Variants in SPMIP9 observed in about 807,000 individuals in gnomAD.
SPMIP9 encodes the protein protein SPMIP9.
At chr2:88,525,539 A>G in the SPMIP9 span, 38 of 1,349,150 alleles carry the variant, frequency 2.8e-5, no homozygotes, top group African/African-American at 5.3e-4. Context: ...GGGCTAAGAA[A>G]GCTGGGGCAG....
At chr2:88,525,745 A>G in the SPMIP9 span, 43 of 1,480,492 alleles carry the variant, frequency 2.9e-5, no homozygotes, top group East Asian at 7.2e-4. Context: ...TGGAAGGGCC[A>G]GGCTCTTTCT....
the SPMIP9 span, among the ~76,000 whole-genome samples, chr2:88,528,896 C>T: frequency 6.6e-6 from 1 of 152,160 alleles, no homozygotes; most frequent in Non-Finnish European, 1.5e-5. Flanking sequence ...TGTGTAATTT[C>T]AGCATTCCCT....
At chr2:88,528,935 A>G in the SPMIP9 span, 1 of 976,492 alleles carries the variant, frequency 1.0e-6, no homozygotes, top group Non-Finnish European at 1.5e-6. Context: ...TTCAAGGACT[A>G]ATTTAAAGTT....
the SPMIP9 span, chr2:88,526,514 G>A: frequency 5.0e-6 from 8 of 1,597,686 alleles, no homozygotes; most frequent in Non-Finnish European, 6.9e-6. Flanking sequence ...AGGCACGCAA[G>A]TCCTGTCATT....
chr2:88,525,764 A>C, the SPMIP9 span: 2 of 1,307,882 alleles, frequency 1.5e-6, no homozygotes, highest in Non-Finnish European at 2.2e-6. Context: ...CTAGAAGCTC[A>C]TCTTTCTGTA....
At chr2:88,526,413 G>A in the SPMIP9 span, 6 of 1,613,154 alleles carry the variant, frequency 3.7e-6, no homozygotes, top group Non-Finnish European at 5.1e-6. Flanking sequence ...AGGACCCTGT[G>A]GATTTAGACA....
At chr2:88,527,859 C>T in the SPMIP9 span, among the ~76,000 whole-genome samples, 1 of 152,142 alleles carries the variant, frequency 6.6e-6, no homozygotes, top group Non-Finnish European at 1.5e-5. Context: ...ACATTATGGC[C>T]AGCAGGAGAC....
chr2:88,525,798 T>G, the SPMIP9 span: 177 of 179,740 alleles, frequency 9.8e-4, no homozygotes, highest in Non-Finnish European at 1.4e-3. Context: ...GTTTTGTGGG[T>G]TTTTTTTTTT....
the SPMIP9 span, chr2:88,528,955 TAAA>T: frequency 1.6e-5 from 21 of 1,278,450 alleles, no homozygotes; most frequent in Admixed American, 2.3e-4. Flanking sequence ...TTTGAAAAAA[TAAA>T]GAAGGGTGTG....
chr2:88,526,536 C>T, the SPMIP9 span: 16 of 1,468,706 alleles, frequency 1.1e-5, no homozygotes, highest in Non-Finnish European at 1.5e-5. Context: ...AATCAACTGC[C>T]TACTGAAATC....
chr2:88,526,411 G>C, the SPMIP9 span: 1 of 1,613,060 alleles, frequency 6.2e-7, no homozygotes, highest in Non-Finnish European at 8.5e-7. Context: ...TTAGGACCCT[G>C]TGGATTTAGA....
the SPMIP9 span, among the ~76,000 whole-genome samples, chr2:88,528,805 A>T: frequency 6.6e-6 from 1 of 152,254 alleles, no homozygotes; most frequent in Non-Finnish European, 1.5e-5. Context: ...AAAAGCACTG[A>T]TAGCAGTGGT....
the SPMIP9 span, chr2:88,529,069 T>A: frequency 6.2e-7 from 1 of 1,612,488 alleles, no homozygotes; most frequent in Non-Finnish European, 8.5e-7. Context: ...AGCTCGATGC[T>A]CAACTCCGGG....
At chr2:88,526,669 T>C in the SPMIP9 span, among the ~76,000 whole-genome samples, 1 of 152,042 alleles carries the variant, frequency 6.6e-6, no homozygotes, top group African/African-American at 2.4e-5. Flanking sequence ...TGTGTGTATT[T>C]TTTTTTTCTT....
the SPMIP9 span, chr2:88,529,230 G>T: frequency 6.2e-7 from 1 of 1,614,128 alleles, no homozygotes; most frequent in Non-Finnish European, 8.5e-7. Flanking sequence ...GAGGACGAGC[G>T]CAAGTTCACC....
chr2:88,529,026 C>T, the SPMIP9 span: 1,193 of 1,592,780 alleles, frequency 7.5e-4, 6 homozygotes, highest in African/African-American at 0.014. Context: ...CTCACCCCTC[C>T]ATTCATGTGT....
the SPMIP9 span, chr2:88,526,473 A>G: frequency 2.9e-5 from 47 of 1,614,002 alleles, no homozygotes; most frequent in African/African-American, 6.0e-4. Flanking sequence ...GGAAGCACAA[A>G]TACTCCAGGG....
chr2:88,529,087 GT>G, the SPMIP9 span: 4 of 1,613,934 alleles, frequency 2.5e-6, no homozygotes, highest in Non-Finnish European at 3.4e-6. Context: ...GGGACAAAGA[GT>G]TTTACAGGCC....
the SPMIP9 span, among the ~76,000 whole-genome samples, chr2:88,525,341 C>T: frequency 6.6e-6 from 1 of 152,216 alleles, no homozygotes; most frequent in African/African-American, 2.4e-5. Flanking sequence ...ACCAGCACTT[C>T]ACTTGCCCTA....
Sources: allele counts gnomAD v4.1 joint callset (sites outside exome capture counted in the v4.1 genomes callset), GRCh38; gene constraint gnomAD v4.1.1; transcripts MANE v1.5; gene names NCBI Gene and HGNC (gene_info 2026-07-23, HGNC 2026-07-21).